KHSRP: variants seen among roughly 807,000 people sequenced by gnomAD.
KHSRP encodes KH-type splicing regulatory protein.
A neutral mutation model predicts 94.9 loss-of-function variants in KHSRP; 13 were observed. The ratio of observed to expected loss-of-function variants is 0.14; its 90% CI spans 0.09 to 0.22. The LOEUF (loss-of-function observed/expected upper bound fraction) is 0.22. Ranked by LOEUF, KHSRP falls within the 10% of genes least tolerant of loss-of-function variation. The probability of loss-of-function intolerance (pLI) is 1.00; values close to 1 mark genes in which losing one functional copy is unlikely to be tolerated. For missense variants in KHSRP, 710 were observed against 1,010.0 expected, an observed-to-expected ratio of 0.70 and a Z score of 4.03; for synonymous variants, 495 against 401.4, an observed-to-expected ratio of 1.23 and a Z score of -2.79.
chr19:6,415,876 T>A lies in KHSRP; in HGVS notation c.1619A>T (p.His540Leu). 6.5e-7 allele frequency: 1 copy of A among 1,539,000 alleles called. No homozygotes were observed. The highest frequency in any genetic ancestry group is 8.8e-7 in the Non-Finnish European group (1 of 1,142,746). Residue 540 changes from histidine (H) to leucine (L), a missense_variant, in exon 16 of 19, where the codon CAC (histidine) becomes CTC (leucine). By Grantham distance (99) the His-to-Leu change is moderately conservative. Coordinates refer to ENST00000600480, the MANE Select transcript of KHSRP (RefSeq NM_001366299.1). ...APPHAGGPPP[H>L]QYPPQGWGNT... ...GCCCCAGCCCTGGGGTGGGTACTGG[T>A]GAGGAGGGGGCCCCCCGGCACTGCA...
chr19:6,424,694 T>A lies in KHSRP; in HGVS notation c.8A>T (p.Asp3Val). 1 of 1,031,960 alleles carries A rather than the reference T, an allele frequency of 9.7e-7. No homozygotes were observed. The highest frequency in any genetic ancestry group is 1.2e-6 in the Non-Finnish European group (1 of 860,882). 63.9% of individuals were successfully genotyped at this position (1,031,960 alleles called of 1,614,324 possible). A position where few individuals can be genotyped will look rare whatever the true frequency, so the allele number is the denominator to read the frequency against. ...GGGCGGGGGTCCTCCCGTGCTGTAG[T>A]CCGACATGGCGCGGCGGGGCCGGGC... is the stretch of plus-strand genomic sequence containing the variant. MS[D>V]YSTGGPPPGP... Residue 3 changes from aspartate (D) to valine (V), a missense_variant, in exon 1 of 19, where the codon GAC becomes GTC. Around this residue, in one of 5 missense-constraint regions of KHSRP, gnomAD observed 92 missense variants for 80.8 expected, o/e 1.14. Coordinates refer to ENST00000600480, the MANE Select transcript of KHSRP (RefSeq NM_001366299.1).
chr19:6,413,512 C>T lies in KHSRP; in HGVS notation c.*1512G>A, dbSNP rs955379789. ...CTGGGAGGGGGGACGGGCGGGGCCG[C>T]GGGAGCTGAGCCAGGGCGGGAGGGA... On this transcript the variant is annotated 3_prime_UTR_variant, in exon 19 of 19. Transcript: ENST00000600480. 19 of 182,252 alleles carry T rather than the reference C, an allele frequency of 1.0e-4. No individual in the cohort carries two copies. The highest frequency in any genetic ancestry group is 1.6e-4 in the Non-Finnish European group (14 of 88,250). 11.3% of individuals were successfully genotyped at this position (182,252 alleles called of 1,614,324 possible).
chr19:6,421,200 G>A, intron 4 of KHSRP, 78 bp downstream of exon 4: 1 of 1,361,856 alleles, frequency 7.3e-7, no homozygotes, highest in South Asian at 1.3e-5. Flanking sequence ...CCCCCAGTCA[G>A]AGCCCTCCCA....
In KHSRP at chr19:6,422,450, G is replaced by A. The variant is rs770819949; in HGVS notation, c.250-14C>T. ...TTTGGCTGCAATCTAGAATAAAGTA[G>A]TAAGCACAGAAGAATTACCACCAAA... On this transcript the variant is annotated splice_polypyrimidine_tract_variant and intron_variant, in intron 1 of 18. Transcript: ENST00000600480. 28 of 1,599,708 alleles carry A rather than the reference G, an allele frequency of 1.8e-5. No individual in the cohort carries two copies. Among genetic ancestry groups the A allele is most frequent in the Non-Finnish European group, 2.3e-5 (27 of 1,167,664 alleles).
Position 6,414,156 on chromosome 19 carries a change from G to C in KHSRP, c.*868C>G. 1.2e-6 allele frequency: 2 copies of C among 1,605,272 alleles called. No individual in the cohort carries two copies. Among genetic ancestry groups the C allele is most frequent in the South Asian group, 2.2e-5 (2 of 89,970 alleles). Reference sequence around the variant, plus strand: ...GGAAGAGATAGGAATTGGTCACTACGGGGAGGGAAGGGTGGGAGACTAGGG... The same window carrying C: ...GGAAGAGATAGGAATTGGTCACTACCGGGAGGGAAGGGTGGGAGACTAGGG... On this transcript the variant is annotated 3_prime_UTR_variant, in exon 19 of 19. Transcript: ENST00000600480.
rs370884577 is a variant in KHSRP, at chr19:6,422,440, G to C, written c.250-4C>G. ...CGCCTCCAATTTTGGCTGCAATCTA[G>C]AATAAAGTAGTAAGCACAGAAGAAT... On this transcript the variant is annotated splice_region_variant and splice_polypyrimidine_tract_variant and intron_variant, in intron 1 of 18. Coordinates refer to ENST00000600480, the MANE Select transcript of KHSRP (RefSeq NM_001366299.1). 2.0e-4 allele frequency: 314 copies of C among 1,608,450 alleles called. No individual in the cohort carries two copies. Among genetic ancestry groups the C allele is most frequent in the Non-Finnish European group, 2.6e-4 (302 of 1,175,466 alleles).
Position 6,414,443 on chromosome 19 carries a change from G to A in KHSRP, c.*581C>T, listed in dbSNP as rs957346825. 5.0e-5 allele frequency: 61 copies of A among 1,211,274 alleles called. 1 individual carries two copies. The highest frequency in any genetic ancestry group is 2.3e-4 in the East Asian group (6 of 26,544). 75.0% of individuals were successfully genotyped at this position (1,211,274 alleles called of 1,614,324 possible). The stretch of plus-strand genomic sequence containing the variant: ...GCGGTGGCTCCCGGCGCAGCACGAC[G>A]ACATGAACAATCCAGAGATCATGGT... On this transcript the variant is annotated 3_prime_UTR_variant, in exon 19 of 19. Transcript: ENST00000600480.
At position 6,416,987 on chromosome 19, in the gene KHSRP, C is replaced by T. The variant is rs775930889; in HGVS notation, c.1182G>A (p.Arg394=). 10 of 1,613,696 alleles carry T rather than the reference C, an allele frequency of 6.2e-6. No homozygotes were observed. The Admixed American group carries it at 6.7e-5, about 11-fold the overall frequency. ...CCCTTCAGCACCCGGGGCCACCTAC[C>T]CTGAGGCTCTGGAGGAGGTCGTTGA... is the stretch of plus-strand genomic sequence containing the variant. ...RIINDLLQSL[R]SGPPGPPGGP... is the part of the protein sequence containing the mutation. The change falls in exon 12 of 19, where the codon AGG becomes AGA. Residue 394 remains arginine (R), a splice_region_variant and synonymous_variant. Coordinates refer to ENST00000600480, the MANE Select transcript of KHSRP (RefSeq NM_001366299.1).
Position 6,415,253 on chromosome 19 carries a change from G to A in KHSRP, c.2015C>T (p.Pro672Leu). The A allele has an allele frequency of 3.7e-6, 6 of 1,612,892 alleles. No individual in the cohort carries two copies. The highest frequency in any genetic ancestry group is 5.1e-6 in the Non-Finnish European group (6 of 1,179,828). Reference sequence around the variant, plus strand: ...TTCCGCCCAGGCGGCACTGTAGTCTGGCTGGGAGCCTGGGGGAGCTCCTGG... The same window carrying A: ...TTCCGCCCAGGCGGCACTGTAGTCTAGCTGGGAGCCTGGGGGAGCTCCTGG... ...GGPGAPPGSQ[P>L]DYSAAWAEYY... The change falls in exon 19 of 19, where the codon CCA becomes CTA. Residue 672 changes from proline (P) to leucine (L), a missense_variant. Coordinates refer to ENST00000600480, the MANE Select transcript of KHSRP (RefSeq NM_001366299.1).
Position 6,414,391 on chromosome 19 carries a change from G to T in KHSRP, c.*633C>A, listed in dbSNP as rs1654587. 2 of 1,311,956 alleles carry T rather than the reference G, an allele frequency of 1.5e-6. No homozygotes were observed. The highest frequency in any genetic ancestry group is 9.7e-7 in the Non-Finnish European group (1 of 1,029,594). The allele number at this position is 1,311,956 out of a possible 1,614,324, so 81.3% of individuals were successfully genotyped here. On this transcript the variant is annotated 3_prime_UTR_variant, in exon 19 of 19. Coordinates refer to ENST00000600480, the MANE Select transcript of KHSRP (RefSeq NM_001366299.1). ...CGCGGAGGGCGGAGGCGCTAGGGTC[G>T]TAGGGGAGCTGCCCTGTCTCCGGAG... is the stretch of plus-strand genomic sequence containing the variant.
Position 6,421,398 on chromosome 19 carries a change from G to C in KHSRP, c.386-81C>G, listed in dbSNP as rs2092194246. The C allele has an allele frequency of 1.1e-5, 15 of 1,405,858 alleles. 1 individual carries two copies. In the South Asian group the frequency reaches 1.9e-4, roughly 18 times the overall value. 87.1% of individuals were successfully genotyped at this position (1,405,858 alleles called of 1,614,324 possible). A position where few individuals can be genotyped will look rare whatever the true frequency, so the allele number is the denominator to read the frequency against. Reference sequence around the variant, plus strand: ...CACTGCCTGCCCCGGGTCAGTGGGAGCTGAGCCCGGCACCACGGTCCCCAG... The same window carrying C: ...CACTGCCTGCCCCGGGTCAGTGGGACCTGAGCCCGGCACCACGGTCCCCAG... On this transcript the variant is annotated intron_variant, in intron 3 of 18. Coordinates refer to ENST00000600480, the MANE Select transcript of KHSRP (RefSeq NM_001366299.1).
At chr19:6,417,175 C>A in intron 11 of KHSRP, 88 bp from the exon 12 acceptor site, 1 of 1,012,114 alleles carries the variant, frequency 9.9e-7, no homozygotes, top group Non-Finnish European at 1.4e-6. Context: ...GCGCAGACAC[C>A]ACGCCGGCCT....
chr19:6,417,852 A>G lies in KHSRP; in HGVS notation c.979-11T>C. 1 of 1,612,796 alleles carries G rather than the reference A, an allele frequency of 6.2e-7. No individual in the cohort carries two copies. The highest frequency in any genetic ancestry group is 8.5e-7 in the Non-Finnish European group (1 of 1,179,036). The stretch of plus-strand genomic sequence containing the variant: ...CCTGGGCACTGGCACCTGGGGAGGG[A>G]GGCAGCAGCGTCAGCTCGGCCCGCA... On this transcript the variant is annotated splice_polypyrimidine_tract_variant and intron_variant, in intron 10 of 18. Transcript: ENST00000600480.
chr19:6,415,998 C>T lies in KHSRP; in HGVS notation c.1599-102G>A, dbSNP rs374658066. 4.2e-5 allele frequency: 32 copies of T among 759,834 alleles called. 1 individual carries two copies. The East Asian group carries it at 5.6e-4, about 13-fold the overall frequency. 47.1% of individuals were successfully genotyped at this position (759,834 alleles called of 1,614,324 possible). A position where few individuals can be genotyped will look rare whatever the true frequency, so the allele number is the denominator to read the frequency against. Reference sequence around the variant, plus strand: ...TTTTCAGTGGGGAGGCGCCAGAGACCCAGACCACCAGGCTCAACGGGGCGC... The same window carrying T: ...TTTTCAGTGGGGAGGCGCCAGAGACTCAGACCACCAGGCTCAACGGGGCGC... On this transcript the variant is annotated intron_variant, in intron 15 of 18. Coordinates refer to ENST00000600480, the MANE Select transcript of KHSRP (RefSeq NM_001366299.1).
chr19:6,414,159 G>C lies in KHSRP; in HGVS notation c.*865C>G. The C allele has an allele frequency of 6.8e-7, 1 of 1,468,442 alleles. No homozygotes were observed. Among genetic ancestry groups the C allele is most frequent in the African/African-American group, 1.4e-5 (1 of 71,876 alleles). 91.0% of individuals were successfully genotyped at this position (1,468,442 alleles called of 1,614,324 possible). On this transcript the variant is annotated 3_prime_UTR_variant, in exon 19 of 19. Coordinates refer to ENST00000600480, the MANE Select transcript of KHSRP (RefSeq NM_001366299.1). The stretch of plus-strand genomic sequence containing the variant: ...AGAGATAGGAATTGGTCACTACGGG[G>C]AGGGAAGGGTGGGAGACTAGGGGGC...
In KHSRP at chr19:6,413,703, A is replaced by G. The variant is rs1599233090; in HGVS notation, c.*1321T>C. 1 of 157,620 alleles carries G rather than the reference A, an allele frequency of 6.3e-6. No homozygotes were observed. Among genetic ancestry groups the G allele is most frequent in the African/African-American group, 2.4e-5 (1 of 41,298 alleles). The allele number at this position is 157,620 out of a possible 1,614,324, so 9.8% of individuals were successfully genotyped here. On this transcript the variant is annotated 3_prime_UTR_variant, in exon 19 of 19. Coordinates refer to ENST00000600480, the MANE Select transcript of KHSRP (RefSeq NM_001366299.1). ...AGAGGGCCGAGGGTGGGAGAAAATG[A>G]ATTGCTTTATCCTCAGAGAGGCAGG... is the stretch of plus-strand genomic sequence containing the variant.
At position 6,413,390 on chromosome 19, in the gene KHSRP, TA is replaced by T; in HGVS notation, c.*1633del. 2.4e-6 allele frequency: 1 copy of T among 417,094 alleles called. No individual in the cohort carries two copies. Among genetic ancestry groups the T allele is most frequent in the Non-Finnish European group, 4.7e-6 (1 of 212,214 alleles). The allele number at this position is 417,094 out of a possible 1,614,324, so 25.8% of individuals were successfully genotyped here. ...TATTTGTGAAGTTAAAAACGAGCGA[TA>T]AAAAGTAAAAACTGCCATACAATTT... On this transcript the variant is annotated 3_prime_UTR_variant, in exon 19 of 19. Coordinates refer to ENST00000600480, the MANE Select transcript of KHSRP (RefSeq NM_001366299.1).
rs765536899 is a variant in KHSRP at position 6,416,553 on chromosome 19, G to A, written c.1425C>T (p.Phe475=). 5 of 1,613,848 alleles carry A rather than the reference G, an allele frequency of 3.1e-6. No individual in the cohort carries two copies. The highest frequency in any genetic ancestry group is 2.7e-5 in the African/African-American group (2 of 75,078). ...TCTGCTGGGGTGAACCCCGGATGAT[G>A]AACAACTTGAAGTTGGGGTCCCCGT... ...PPNGDPNFKL[F]IIRGSPQQID... Residue 475 remains phenylalanine (F), a synonymous_variant, in exon 14 of 19, where the codon TTC becomes TTT. Coordinates refer to ENST00000600480, the MANE Select transcript of KHSRP (RefSeq NM_001366299.1).
At position 6,418,156 on chromosome 19, in the gene KHSRP, C is replaced by T; in HGVS notation, c.880-77G>A. 1 of 1,337,202 alleles carries T rather than the reference C, an allele frequency of 7.5e-7. No homozygotes were observed. The highest frequency in any genetic ancestry group is 1.4e-5 in the African/African-American group (1 of 69,384). 82.8% of individuals were successfully genotyped at this position (1,337,202 alleles called of 1,614,324 possible). On this transcript the variant is annotated intron_variant, in intron 9 of 18. Coordinates refer to ENST00000600480, the MANE Select transcript of KHSRP (RefSeq NM_001366299.1). The surrounding 1 kb of genome is among the most constrained non-coding windows in gnomAD (Gnocchi z 4.3). ...CCCCCCACCTCCTCGGGGGTGCGGG[C>T]CTCAACTAAGGACCCACGAACCCTG...
Sources: gnomAD v4.1 joint callset for allele counts on GRCh38, gnomAD v4.1.1 for gene constraint, gnomAD v4.1.1 regional missense constraint, Gnocchi (gnomAD v3.1) non-coding constraint, MANE v1.5 for transcripts, NCBI Gene and HGNC (gene_info 2026-07-23, HGNC 2026-07-21) for gene names.